The following WDR70 variants were observed in gnomAD, a reference collection of about 807,000 sequenced individuals.
WDR70 encodes the protein WD repeat domain 70, also known as WD repeat-containing protein 70.
WDR70 carries 53 observed loss-of-function variants against 88.6 expected under a neutral mutation model. That is an observed-to-expected ratio of 0.60 (90% CI 0.48 to 0.75). WDR70 has a LOEUF of 0.75. WDR70 is among the 30% of genes least tolerant of loss of function. The probability of loss-of-function intolerance (pLI) is 0.00; values close to 1 mark genes in which losing one functional copy is unlikely to be tolerated. For synonymous variants in WDR70, 280 were observed against 270.0 expected, an observed-to-expected ratio of 1.04 and a Z score of -0.36; for missense variants, 610 against 823.2, an observed-to-expected ratio of 0.74 and a Z score of 3.17.
chr5:37,688,611 T>G (rs1187462481), intron 10 of WDR70, among the ~76,000 whole-genome samples: 1 of 151,716 alleles, frequency 6.6e-6, no homozygotes, highest in Non-Finnish European at 1.5e-5. Context: ...CAAATTTTCC[T>G]TATTGAGGTT....
chr5:37,434,989 A>G (rs1247275075), intron 5 of WDR70, among the ~76,000 whole-genome samples: 1 of 152,222 alleles, frequency 6.6e-6, no homozygotes, highest in Non-Finnish European at 1.5e-5. Flanking sequence ...CTACCAAAAG[A>G]TGGATTGCTA....
At chr5:37,398,363 G>A (rs1749092303) in intron 5 of WDR70, among the ~76,000 whole-genome samples, 1 of 151,084 alleles carries the variant, frequency 6.6e-6, no homozygotes, top group Non-Finnish European at 1.5e-5. Context: ...GCTGGGACAG[G>A]CGTGAGCCAC....
intron 10 of WDR70, among the ~76,000 whole-genome samples, chr5:37,661,887 C>G (rs930151825): frequency 1.3e-5 from 2 of 152,132 alleles, no homozygotes; most frequent in Non-Finnish European, 2.9e-5. Flanking sequence ...ACTCTTGCAG[C>G]CAGAGGTTGC....
intron 9 of WDR70, among the ~76,000 whole-genome samples, chr5:37,604,168 T>G (rs142854515): frequency 1.3e-5 from 2 of 152,242 alleles, no homozygotes; most frequent in Non-Finnish European, 2.9e-5. Flanking sequence ...CCTATGTCTT[T>G]TAATGCTTAT....
chr5:37,749,144 A>G (rs1228527914), intron 17 of WDR70, among the ~76,000 whole-genome samples: 1 of 152,244 alleles, frequency 6.6e-6, no homozygotes, highest in Non-Finnish European at 1.5e-5. Flanking sequence ...CCTGCTCTAA[A>G]GACACATGCA....
intron 10 of WDR70, among the ~76,000 whole-genome samples, chr5:37,631,517 T>C (rs951579): frequency 0.11 from 16,112 of 152,192 alleles, 2,741 homozygotes; most frequent in African/African-American, 0.36. Flanking sequence ...TTATTAATGC[T>C]TTTCAATGTA....
At chr5:37,704,420 CAT>C (rs914874661) in intron 13 of WDR70, among the ~76,000 whole-genome samples, 6 of 152,128 alleles carry the variant, frequency 3.9e-5, no homozygotes, top group Admixed American at 6.6e-5. Context: ...GGGATGTAGA[CAT>C]ATGATTGCAC....
chr5:37,480,014 G>A (rs745678755), intron 8 of WDR70, 27 bp downstream of exon 8: 1 of 1,587,090 alleles, frequency 6.3e-7, no homozygotes. Context: ...ATATTTTAAT[G>A]AATTAATTCA....
chr5:37,523,642 CGAGTT>C (rs1393663257), intron 9 of WDR70, among the ~76,000 whole-genome samples: 3 of 152,156 alleles, frequency 2.0e-5, no homozygotes, highest in Non-Finnish European at 4.4e-5. Context: ...ATGACTTAGA[CGAGTT>C]GAGATAAGAA....
chr5:37,509,382 A>G lies in WDR70; in HGVS notation c.841-7132A>G, dbSNP rs190010648. On this transcript the variant is annotated intron_variant, in intron 8 of 17. Transcript: ENST00000265107. ...GTGTTTAAATATACAAGTATTTGAG[A>G]CTTTTTTCTTACTGGCTTCTAATTT... Among the ~76,000 whole-genome samples, 74 of 151,936 alleles carry G rather than the reference A, an allele frequency of 4.9e-4. 1 individual carries two copies. Among genetic ancestry groups the G allele is most frequent in the African/African-American group, 1.6e-3 (66 of 41,438 alleles).
rs1441830360 is a variant in WDR70, at chr5:37,647,518, C to T, written c.1092+42280C>T. Among the ~76,000 whole-genome samples, 6 of 152,152 alleles carry T rather than the reference C, an allele frequency of 3.9e-5. No homozygotes were observed. In the East Asian group the frequency reaches 1.2e-3, roughly 29 times the overall value. On this transcript the variant is annotated intron_variant, in intron 10 of 17. Coordinates refer to ENST00000265107, the MANE Select transcript of WDR70 (RefSeq NM_018034.4). ...TTTTTACCCACCATTCTTAGGAAGG[C>T]TTTTCAGGCATTTGAAGGAACTTGG...
chr5:37,733,979 C>A (rs1283625487), intron 17 of WDR70, among the ~76,000 whole-genome samples: 1 of 151,942 alleles, frequency 6.6e-6, no homozygotes, highest in Non-Finnish European at 1.5e-5. Flanking sequence ...AAATACTGTG[C>A]AGCTACATAT....
intron 7 of WDR70, among the ~76,000 whole-genome samples, chr5:37,464,532 T>C (rs1739101047): frequency 6.6e-6 from 1 of 152,062 alleles, no homozygotes; most frequent in South Asian, 2.1e-4. Context: ...TAAAGAGAAC[T>C]CTAAGGAATA....
chr5:37,584,965 C>T (rs72740947), intron 9 of WDR70, among the ~76,000 whole-genome samples: 6,670 of 147,322 alleles, frequency 0.045, 171 homozygotes, highest in Middle Eastern at 0.11. Flanking sequence ...AAACAGTCAT[C>T]TGTAGTTACA....
chr5:37,564,558 G>A (rs890335509), intron 9 of WDR70, among the ~76,000 whole-genome samples: 13 of 112,186 alleles, frequency 1.2e-4, no homozygotes, highest in Admixed American at 7.8e-4. Flanking sequence ...GGGAGACCGT[G>A]GGGAGAGGGA....
chr5:37,383,571 CATT>C (rs1432459897), intron 3 of WDR70, among the ~76,000 whole-genome samples: 3 of 146,328 alleles, frequency 2.1e-5, no homozygotes, highest in Non-Finnish European at 3.0e-5. Context: ...CAAAACCCAT[CATT>C]ATTATTATTA....
chr5:37,729,143 A>T, intron 17 of WDR70, among the ~76,000 whole-genome samples: 1 of 151,986 alleles, frequency 6.6e-6, no homozygotes, highest in East Asian at 1.9e-4. Context: ...GTACTTCCTT[A>T]CTTTCTGGCA....
At chr5:37,519,756 C>T (rs966838333) in intron 9 of WDR70, among the ~76,000 whole-genome samples, 4 of 152,208 alleles carry the variant, frequency 2.6e-5, no homozygotes, top group East Asian at 3.9e-4. Context: ...GATATCTTTT[C>T]GATTTACTGA....
At chr5:37,660,096 G>T (rs2112574803) in intron 10 of WDR70, among the ~76,000 whole-genome samples, 1 of 152,136 alleles carries the variant, frequency 6.6e-6, no homozygotes, top group East Asian at 1.9e-4. Flanking sequence ...TTAATCTGTT[G>T]ATTGTTAATT....
Sources: allele counts gnomAD v4.1 joint callset (sites outside exome capture counted in the v4.1 genomes callset), GRCh38; gene constraint gnomAD v4.1.1; transcripts MANE v1.5; gene names NCBI Gene and HGNC (gene_info 2026-07-23, HGNC 2026-07-21).